KCNH7: variants seen among roughly 807,000 people sequenced by gnomAD.
The protein encoded by KCNH7 is voltage-gated inwardly rectifying potassium channel KCNH7.
Under a neutral mutation model 120.8 loss-of-function variants are expected in KCNH7, and 49 were observed. The observed-to-expected ratio is 0.41, with a 90% confidence interval of 0.32 to 0.51. The LOEUF is 0.51. KCNH7 is among the 20% of genes least tolerant of loss of function. The pLI is 0.38. For synonymous variants in KCNH7, 547 were observed against 516.1 expected (o/e 1.06, Z -0.81); for missense variants, 1,097 against 1,446.6 (o/e 0.76, Z 3.92).
At chr2:162,525,763 C>T (rs1691682163) in intron 3 of KCNH7, among the ~76,000 whole-genome samples, 1 of 151,880 alleles carries the variant, frequency 6.6e-6, no homozygotes. Flanking sequence ...CTGTTCCAAA[C>T]ACAAATGGTA....
At chr2:162,394,322 A>G (rs755829754) in intron 12 of KCNH7, 67 bp downstream of exon 12, 3 of 921,220 alleles carry the variant, frequency 3.3e-6, no homozygotes, top group African/African-American at 1.6e-5. Context: ...AAGTAAAATG[A>G]ACATTTAAGT....
At chr2:162,544,179 C>A (rs373210571) in intron 2 of KCNH7, among the ~76,000 whole-genome samples, 5 of 152,124 alleles carry the variant, frequency 3.3e-5, no homozygotes, top group African/African-American at 1.2e-4. Context: ...GTGGATTGTC[C>A]CACTGCCTTT....
intron 6 of KCNH7, among the ~76,000 whole-genome samples, chr2:162,482,855 G>A (rs1320074444): frequency 6.6e-6 from 1 of 152,126 alleles, no homozygotes; most frequent in East Asian, 1.9e-4. Flanking sequence ...AACTGAAAGT[G>A]TATACTTAAT....
At chr2:162,786,630 T>A (rs2105507462) in intron 2 of KCNH7, among the ~76,000 whole-genome samples, 1 of 152,364 alleles carries the variant, frequency 6.6e-6, no homozygotes, top group South Asian at 2.1e-4. Flanking sequence ...TTTAAAATTA[T>A]GTCTTCAATT....
At chr2:162,788,632 C>T (rs1224174136) in intron 2 of KCNH7, among the ~76,000 whole-genome samples, 2 of 151,428 alleles carry the variant, frequency 1.3e-5, no homozygotes, top group Non-Finnish European at 1.5e-5. Flanking sequence ...CTATGGGAGA[C>T]CATCAAGTGA....
At chr2:162,690,503 A>G (rs1236312358) in intron 2 of KCNH7, among the ~76,000 whole-genome samples, 1 of 152,172 alleles carries the variant, frequency 6.6e-6, no homozygotes, top group East Asian at 1.9e-4. Flanking sequence ...ATACAATTAA[A>G]TTATTTCTAG....
chr2:162,708,460 G>A (rs1337108761), intron 2 of KCNH7, among the ~76,000 whole-genome samples: 1 of 151,944 alleles, frequency 6.6e-6, no homozygotes. Flanking sequence ...TATAAGTAGA[G>A]CAATTAGTTT....
chr2:162,624,545 C>T (rs935728423), intron 2 of KCNH7, among the ~76,000 whole-genome samples: 8 of 152,126 alleles, frequency 5.3e-5, no homozygotes, highest in Non-Finnish European at 1.2e-4. Context: ...CATTAACCAC[C>T]AGACAATGCC....
intron 6 of KCNH7, among the ~76,000 whole-genome samples, chr2:162,449,908 T>C (rs1311527544): frequency 6.6e-6 from 1 of 152,054 alleles, no homozygotes; most frequent in Admixed American, 6.6e-5. Context: ...TATAAAACAG[T>C]GAATTCAAAC....
chr2:162,577,035 TC>T (rs1477071805), intron 2 of KCNH7, among the ~76,000 whole-genome samples: 1 of 151,794 alleles, frequency 6.6e-6, no homozygotes, highest in Non-Finnish European at 1.5e-5. Context: ...CTTGCCTCAA[TC>T]TTCTGAGTAG....
At chr2:162,678,533 T>C (rs1399928392) in intron 2 of KCNH7, among the ~76,000 whole-genome samples, 2 of 151,480 alleles carry the variant, frequency 1.3e-5, no homozygotes, top group African/African-American at 4.8e-5. Flanking sequence ...CTACCAATAA[T>C]CTCAGAATAA....
chr2:162,835,913 T>C (rs1685648384), intron 2 of KCNH7, among the ~76,000 whole-genome samples: 2 of 151,236 alleles, frequency 1.3e-5, no homozygotes, highest in Non-Finnish European at 3.0e-5. Flanking sequence ...AACTCCACAG[T>C]ATCATAATTT....
chr2:162,733,176 TG>T (rs1321393694), intron 2 of KCNH7, among the ~76,000 whole-genome samples: 1 of 152,190 alleles, frequency 6.6e-6, no homozygotes, highest in Non-Finnish European at 1.5e-5. Flanking sequence ...AAAACAGGTT[TG>T]GTGACTAGGT....
chr2:162,715,513 C>G (rs1004614962), intron 2 of KCNH7, among the ~76,000 whole-genome samples: 10 of 152,298 alleles, frequency 6.6e-5, no homozygotes, highest in Non-Finnish European at 1.3e-4. Context: ...AGATCATCAG[C>G]TCTCCCTGTA....
chr2:162,485,474 C>A (rs1214898879), intron 6 of KCNH7, among the ~76,000 whole-genome samples: 1 of 152,224 alleles, frequency 6.6e-6, no homozygotes, highest in South Asian at 2.1e-4. Flanking sequence ...CTTCAGGTAA[C>A]TTTATACTGA....
chr2:162,610,336 TC>T (rs1266388937), intron 2 of KCNH7, among the ~76,000 whole-genome samples: 1 of 149,294 alleles, frequency 6.7e-6, no homozygotes, highest in Non-Finnish European at 1.5e-5. Flanking sequence ...GATTTTTTTT[TC>T]TTCCACCTAG....
At chr2:162,636,386 C>A (rs929892769) in intron 2 of KCNH7, among the ~76,000 whole-genome samples, 9 of 152,084 alleles carry the variant, frequency 5.9e-5, no homozygotes, top group African/African-American at 1.9e-4. Context: ...TGCTGTCAAC[C>A]AGAGAGCCAA....
intron 2 of KCNH7, among the ~76,000 whole-genome samples, chr2:162,662,086 A>G (rs1559069970): frequency 6.6e-6 from 1 of 151,674 alleles, no homozygotes; most frequent in Non-Finnish European, 1.5e-5. Context: ...AGATGGTGAA[A>G]CCCCGTCTCT....
intron 5 of KCNH7, 54 bp downstream of exon 5, chr2:162,512,600 C>A (rs375294241): frequency 1.3e-6 from 2 of 1,545,978 alleles, no homozygotes; most frequent in East Asian, 4.5e-5. Flanking sequence ...GTTAACATGC[C>A]GAGTAAAGGG....
Sources: allele counts gnomAD v4.1 joint callset (sites outside exome capture counted in the v4.1 genomes callset), GRCh38; gene constraint gnomAD v4.1.1; transcripts MANE v1.5; gene names NCBI Gene and HGNC (gene_info 2026-07-23, HGNC 2026-07-21).